Variants in UBAP2L observed in about 807,000 individuals in gnomAD.
UBAP2L encodes ubiquitin-associated protein 2-like.
In UBAP2L, 12 loss-of-function variants were observed where a neutral mutation model predicts 130.6. That is an observed-to-expected ratio of 0.09 (90% CI 0.06 to 0.15). UBAP2L has a LOEUF of 0.15. UBAP2L is among the 10% of genes least tolerant of loss of function. The pLI, the probability that UBAP2L is intolerant of heterozygous loss-of-function variation, is 1.00. For synonymous variants in UBAP2L, 503 were observed against 524.7 expected, an observed-to-expected ratio of 0.96 and a Z score of 0.57; for missense variants, 965 against 1,332.5, an observed-to-expected ratio of 0.72 and a Z score of 4.29.
chr1:154,256,709 T>C (rs1273790359), intron 18 of UBAP2L, among the ~76,000 whole-genome samples: 1 of 152,158 alleles, frequency 6.6e-6, no homozygotes, highest in East Asian at 1.9e-4. Flanking sequence ...TAAAGAAAAG[T>C]TGGGGAGAGA....
In UBAP2L at chr1:154,253,981, C is replaced by T; in HGVS notation, c.1746C>T (p.Thr582=). 6.2e-7 allele frequency: 1 copy of T among 1,614,016 alleles called. No individual in the cohort carries two copies. ...GCCCAATTCAGTCGACAACCTATAC[C>T]TCCCAAAATAATGCTCAGGGCCCTC... The part of the protein sequence containing the change: ...QSGPIQSTTY[T]SQNNAQGPLY... Residue 582 remains threonine, a synonymous_variant, in exon 15 of 27, where the codon ACC becomes ACT. Coordinates refer to ENST00000428931, the MANE Select transcript of UBAP2L (RefSeq NM_014847.4).
At chr1:154,241,486 T>A (rs1479507005) in intron 8 of UBAP2L, 27 bp from the exon 9 acceptor site, 15 of 1,589,562 alleles carry the variant, frequency 9.4e-6, no homozygotes, top group Non-Finnish European at 1.0e-5. Flanking sequence ...ATAGTGAAGT[T>A]ACTTCACTAT....
intron 10 of UBAP2L, among the ~76,000 whole-genome samples, chr1:154,244,942 C>CT (rs970238777): frequency 1.3e-5 from 2 of 150,940 alleles, no homozygotes; most frequent in African/African-American, 2.5e-5. Flanking sequence ...TACCTGGTCT[C>CT]TTTTTTTGAG....
At chr1:154,253,458 C>T (rs1341535012) in intron 14 of UBAP2L, among the ~76,000 whole-genome samples, 10 of 148,452 alleles carry the variant, frequency 6.7e-5, no homozygotes, top group Admixed American at 4.0e-4. Flanking sequence ...GATCTCGGCT[C>T]ACTGCAAGCT....
rs761895649 is a variant in UBAP2L, at chr1:154,254,908, T to G, written c.1909+18T>G. The G allele has an allele frequency of 6.3e-7, 1 of 1,591,900 alleles. No homozygotes were observed. The highest frequency in any genetic ancestry group is 8.5e-7 in the Non-Finnish European group (1 of 1,174,122). On this transcript the variant is annotated intron_variant, in intron 16 of 26. Coordinates refer to ENST00000428931, the MANE Select transcript of UBAP2L (RefSeq NM_014847.4). ...TGTTGAAGGTGAGTGTTCTTCAGGC[T>G]TTTCCCCTCCTAAGTTTCTGGTTTT... is the stretch of plus-strand genomic sequence containing the variant.
At chr1:154,248,086 G>C (rs1676192247) in intron 11 of UBAP2L, among the ~76,000 whole-genome samples, 1 of 151,906 alleles carries the variant, frequency 6.6e-6, no homozygotes, top group Admixed American at 6.6e-5. Context: ...TCCTGCCTCA[G>C]CCTCCTGAGT....
intron 20 of UBAP2L, 44 bp downstream of exon 20, chr1:154,257,478 T>G: frequency 6.2e-7 from 1 of 1,605,166 alleles, no homozygotes; most frequent in Non-Finnish European, 8.5e-7. Flanking sequence ...GAGGATGTTG[T>G]GGCTACTCTT....
chr1:154,270,687 A>C lies in UBAP2L; in HGVS notation c.*392A>C. On this transcript the variant is annotated 3_prime_UTR_variant, in exon 27 of 27. Coordinates refer to ENST00000428931, the MANE Select transcript of UBAP2L (RefSeq NM_014847.4). ...AGTCTCCTTCTTTATTATTAGGAAA[A>C]CAACAACAACAACAAACAAAAAAAT... 7.3e-7 allele frequency: 1 copy of C among 1,374,014 alleles called. No homozygotes were observed. Among genetic ancestry groups the C allele is most frequent in the Non-Finnish European group, 9.4e-7 (1 of 1,067,132 alleles). The allele number at this position is 1,374,014 out of a possible 1,614,324, so 85.1% of individuals were successfully genotyped here. A position where few individuals can be genotyped will look rare whatever the true frequency, so the allele number is the denominator to read the frequency against.
At chr1:154,266,268 T>TA (rs1416193162) in intron 24 of UBAP2L, among the ~76,000 whole-genome samples, 3 of 152,088 alleles carry the variant, frequency 2.0e-5, no homozygotes, top group South Asian at 2.1e-4. Flanking sequence ...AAAAACAACT[T>TA]ACCTCACTCT....
At chr1:154,255,597 T>C in intron 17 of UBAP2L, 86 bp from the exon 18 acceptor site, 1 of 1,475,148 alleles carries the variant, frequency 6.8e-7, no homozygotes, top group Non-Finnish European at 9.5e-7. Context: ...ATATTATGTC[T>C]TATTTCCTTG....
At chr1:154,220,590 G>A (rs541019609), upstream of UBAP2L, 26 of 628,842 alleles carry the variant, frequency 4.1e-5, no homozygotes, top group South Asian at 3.8e-4. Context: ...TGGGAAAGGA[G>A]AACGACGCCT....
upstream of UBAP2L, chr1:154,220,676 G>C (rs569546904): frequency 3.9e-6 from 2 of 516,350 alleles, no homozygotes; most frequent in Non-Finnish European, 7.0e-6. Context: ...GCGGAACTAC[G>C]ACAGTAAGAG....
At chr1:154,251,995 A>G (rs1677772615) in intron 14 of UBAP2L, among the ~76,000 whole-genome samples, 2 of 152,040 alleles carry the variant, frequency 1.3e-5, no homozygotes, top group Admixed American at 6.6e-5. Flanking sequence ...TTTTTTAAAC[A>G]CAGAGTTTCA....
At chr1:154,271,195 C>A, downstream of UBAP2L, 1 of 411,658 alleles carries the variant, frequency 2.4e-6, no homozygotes, top group Non-Finnish European at 4.3e-6. Context: ...TGGAGAGGAT[C>A]AAGAAGGAGC....
At chr1:154,227,233 A>T in intron 2 of UBAP2L, 49 bp from the exon 3 acceptor site, 1 of 1,538,342 alleles carries the variant, frequency 6.5e-7, no homozygotes, top group South Asian at 1.1e-5. Context: ...CCTGTTCTCT[A>T]AACTGTTGCC....
At chr1:154,226,905 C>T (rs1254615275) in intron 2 of UBAP2L, among the ~76,000 whole-genome samples, 1 of 152,090 alleles carries the variant, frequency 6.6e-6, no homozygotes, top group Admixed American at 6.5e-5. Flanking sequence ...TCACTGCAAC[C>T]TCCTCCTCCC....
chr1:154,226,436 A>G (rs901012663), intron 2 of UBAP2L, among the ~76,000 whole-genome samples: 2 of 152,244 alleles, frequency 1.3e-5, no homozygotes, highest in African/African-American at 4.8e-5. Flanking sequence ...TTATGGTCAG[A>G]TAAATCGAAT....
chr1:154,226,013 C>T lies in UBAP2L; in HGVS notation c.90+800C>T, dbSNP rs541460458. ...ATTTTTAGTAGAGACAGGGTTTCACCGTGTTGGTCAGGCTGGTCTCGAACT... is the reference window on the plus strand; with the variant it reads ...ATTTTTAGTAGAGACAGGGTTTCACTGTGTTGGTCAGGCTGGTCTCGAACT... On this transcript the variant is annotated intron_variant, in intron 2 of 26. Transcript: ENST00000428931. Among the ~76,000 whole-genome samples, 4 of 152,290 alleles carry T rather than the reference C, an allele frequency of 2.6e-5. No individual in the cohort carries two copies. The South Asian group carries it at 8.3e-4, about 32-fold the overall frequency.
In UBAP2L at chr1:154,255,158, C is replaced by T; in HGVS notation, c.1916C>T (p.Thr639Ile). 6.2e-7 allele frequency: 1 copy of T among 1,613,968 alleles called. No individual in the cohort carries two copies. The highest frequency in any genetic ancestry group is 8.5e-7 in the Non-Finnish European group (1 of 1,179,918). Residue 639 changes from threonine to isoleucine, a missense_variant, in exon 17 of 27, where the codon ACA (threonine) becomes ATA (isoleucine). Thr to Ile is a moderately conservative substitution (Grantham distance 89, BLOSUM62 -1). Transcript: ENST00000428931. ...LQTTQSVEGA[T>I]GSAVKSDSPS... The stretch of plus-strand genomic sequence containing the variant: ...CTTTCTTCTAAATTTCTAGGTGCTA[C>T]AGGCTCTGCAGTGAAATCTGATTCA...
Sources: gnomAD v4.1 joint callset for allele counts (sites outside exome capture counted in the v4.1 genomes callset) on GRCh38, gnomAD v4.1.1 for gene constraint, MANE v1.5 for transcripts, NCBI Gene and HGNC (gene_info 2026-07-23, HGNC 2026-07-21) for gene names.